Variants in FBXO11 observed in about 807,000 individuals in gnomAD.
FBXO11 encodes F-box only protein 11.
A neutral mutation model predicts 117.0 loss-of-function variants in FBXO11; 13 were observed. The ratio of observed to expected loss-of-function variants is 0.11; its 90% confidence interval spans 0.07 to 0.18. The LOEUF is 0.18. Among genes scored for constraint, FBXO11 ranks in the 10% least tolerant of loss-of-function variants. The pLI, the probability that FBXO11 is intolerant of heterozygous loss-of-function variation, is 1.00. For missense variants in FBXO11, 767 were observed against 1,164.4 expected (o/e 0.66, Z 4.97); for synonymous variants, 490 against 380.5 (o/e 1.29, Z -3.35).
chr2:47,857,593 T>C lies in FBXO11; in HGVS notation c.233-17824A>G, dbSNP rs1003494747. The stretch of plus-strand genomic sequence containing the variant: ...AAATAATCATGGGGGGTAGATTTCA[T>C]AGCAGGGATAGGGATGTGGTTTAGG... On this transcript the variant is annotated intron_variant, in intron 1 of 22. Coordinates refer to ENST00000403359, the MANE Select transcript of FBXO11 (RefSeq NM_001190274.2). Among the ~76,000 whole-genome samples, 3 of 152,108 alleles carry C rather than the reference T, an allele frequency of 2.0e-5. No individual in the cohort carries two copies. In the East Asian group the frequency reaches 5.8e-4, roughly 29 times the overall value.
intron 1 of FBXO11, among the ~76,000 whole-genome samples, chr2:47,904,616 ACACAC>A (rs1409512513): frequency 5.6e-5 from 7 of 125,726 alleles, no homozygotes; most frequent in Non-Finnish European, 1.0e-4. Context: ...ACACACACAC[ACACAC>A]AAAATATCCC....
intron 1 of FBXO11, among the ~76,000 whole-genome samples, chr2:47,901,015 ATT>A (rs1678208030): frequency 7.0e-6 from 1 of 143,382 alleles, no homozygotes; most frequent in East Asian, 2.1e-4. Context: ...AGATATATAT[ATT>A]TATGTATATA....
At chr2:47,810,186 G>A (rs1057509836) in intron 19 of FBXO11, 130 bp downstream of exon 19, 69 of 600,056 alleles carry the variant, frequency 1.1e-4, no homozygotes, top group Admixed American at 2.1e-4. Context: ...GTAAGTGAAT[G>A]AACAGGCATT....
At chr2:47,903,349 G>T (rs1678443026) in intron 1 of FBXO11, among the ~76,000 whole-genome samples, 2 of 152,158 alleles carry the variant, frequency 1.3e-5, no homozygotes, top group African/African-American at 4.8e-5. Flanking sequence ...TAGCTGCAGA[G>T]AAGCAACAAT....
At chr2:47,875,517 G>A (rs756264588) in intron 1 of FBXO11, among the ~76,000 whole-genome samples, 3 of 149,086 alleles carry the variant, frequency 2.0e-5, no homozygotes, top group Non-Finnish European at 4.4e-5. Context: ...TTTTAGCACA[G>A]TATAAATAAT....
intron 1 of FBXO11, among the ~76,000 whole-genome samples, chr2:47,844,660 G>A (rs188484086): frequency 2.6e-5 from 4 of 152,042 alleles, no homozygotes; most frequent in African/African-American, 7.2e-5. Context: ...TCTTTTGTTC[G>A]TTTTGTTTTT....
Position 47,832,405 on chromosome 2 carries a change from G to A in FBXO11, c.1342C>T (p.Arg448Trp), listed in dbSNP as rs749297387. 1 of 1,613,332 alleles carries A rather than the reference G, an allele frequency of 6.2e-7. No individual in the cohort carries two copies. The highest frequency in any genetic ancestry group is 8.5e-7 in the Non-Finnish European group (1 of 1,179,540). ...TCACGTCCATGATGAATATGATTCCGTCTAATAATTGGGTTTCCATGATTT... is the reference window on the plus strand; with the variant it reads ...TCACGTCCATGATGAATATGATTCCATCTAATAATTGGGTTTCCATGATTT... ...VKNHGNPIIR[R>W]NHIHHGRDVG... Residue 448 changes from arginine (R) to tryptophan (W), a missense_variant, in exon 11 of 23, where the codon CGG (arginine) becomes TGG (tryptophan). Coordinates refer to ENST00000403359, the MANE Select transcript of FBXO11 (RefSeq NM_001190274.2).
intron 20 of FBXO11, 69 bp from the exon 21 acceptor site, chr2:47,809,335 G>T: frequency 9.8e-7 from 1 of 1,021,092 alleles, no homozygotes; most frequent in Non-Finnish European, 1.4e-6. Flanking sequence ...AAGATTATAG[G>T]ATTATTCTAA....
At chr2:47,840,640 G>A (rs1672945238) in intron 1 of FBXO11, among the ~76,000 whole-genome samples, 1 of 151,468 alleles carries the variant, frequency 6.6e-6, no homozygotes, top group African/African-American at 2.4e-5. Context: ...TTTTTGGTGA[G>A]ATGGGGTCTC....
chr2:47,814,523 T>G (rs548763445), intron 16 of FBXO11, among the ~76,000 whole-genome samples: 1 of 152,050 alleles, frequency 6.6e-6, no homozygotes, highest in East Asian at 1.9e-4. Flanking sequence ...GGACTACAGG[T>G]GCACACCACC....
intron 1 of FBXO11, among the ~76,000 whole-genome samples, chr2:47,843,728 G>GCTTCTTCTTCTTCTT (rs575495911): frequency 7.3e-5 from 11 of 151,664 alleles, no homozygotes; most frequent in African/African-American, 2.4e-4. Flanking sequence ...TTTTAGATTT[G>GCTTCTTCTTCTTCTT]CTGCTGCTTC....
intron 1 of FBXO11, among the ~76,000 whole-genome samples, chr2:47,899,273 C>CAAAAA (rs376186704): frequency 1.6e-5 from 1 of 60,620 alleles, no homozygotes. Context: ...GACTCCGTCT[C>CAAAAA]AAAAAAAAAA....
intron 1 of FBXO11, among the ~76,000 whole-genome samples, chr2:47,876,865 A>G (rs1558465157): frequency 2.0e-5 from 3 of 152,080 alleles, no homozygotes. Flanking sequence ...AATCTCTCCT[A>G]AAATTTCTTT....
At chr2:47,894,196 T>C (rs2103999993) in intron 1 of FBXO11, among the ~76,000 whole-genome samples, 1 of 152,302 alleles carries the variant, frequency 6.6e-6, no homozygotes, top group Non-Finnish European at 1.5e-5. Context: ...AGGCACTTTT[T>C]CACCTTCCTC....
chr2:47,850,146 A>G (rs187954665), intron 1 of FBXO11, among the ~76,000 whole-genome samples: 1 of 152,306 alleles, frequency 6.6e-6, no homozygotes, highest in African/African-American at 2.4e-5. Flanking sequence ...ATAAAACTTG[A>G]TGAGTGGGTA....
At chr2:47,830,950 C>CA (rs1412269032) in intron 11 of FBXO11, among the ~76,000 whole-genome samples, 1 of 152,106 alleles carries the variant, frequency 6.6e-6, no homozygotes, top group Non-Finnish European at 1.5e-5. Flanking sequence ...AGGTGTGAGC[C>CA]ACCATGCCCA....
chr2:47,839,821 C>T, intron 1 of FBXO11, 52 bp from the exon 2 acceptor site: 1 of 1,533,106 alleles, frequency 6.5e-7, no homozygotes, highest in South Asian at 1.2e-5. Flanking sequence ...AAAAAAAGTT[C>T]TATGGATACA....
chr2:47,836,208 C>T (rs1454369434), intron 4 of FBXO11, among the ~76,000 whole-genome samples: 2 of 152,084 alleles, frequency 1.3e-5, no homozygotes, highest in African/African-American at 4.8e-5. Flanking sequence ...ATGATCTTGG[C>T]TCACTGCAAC....
At chr2:47,903,875 A>G (rs939893110) in intron 1 of FBXO11, among the ~76,000 whole-genome samples, 1 of 152,248 alleles carries the variant, frequency 6.6e-6, no homozygotes, top group Non-Finnish European at 1.5e-5. Context: ...CATATGTGAA[A>G]GGAAATAATG....
Sources: allele counts gnomAD v4.1 joint callset (sites outside exome capture counted in the v4.1 genomes callset), GRCh38; gene constraint gnomAD v4.1.1; transcripts MANE v1.5; gene names NCBI Gene and HGNC (gene_info 2026-07-23, HGNC 2026-07-21).